The following TDRD5 variants were observed in gnomAD, a reference collection of about 807,000 sequenced individuals.
TDRD5 encodes tudor domain containing 5.
In TDRD5, 41 loss-of-function variants were observed where a neutral mutation model predicts 120.6. The observed-to-expected ratio is 0.34, with a 90% CI of 0.26 to 0.44. The LOEUF (loss-of-function observed/expected upper bound fraction) is 0.44. TDRD5 is among the 20% of genes least tolerant of loss of function. The pLI is 1.00. For missense variants in TDRD5, 1,006 were observed against 1,221.2 expected (o/e 0.82, Z 2.63); for synonymous variants, 430 against 433.7 (o/e 0.99, Z 0.11).
chr1:179,675,273 A>ATTATT lies in TDRD5; in HGVS notation c.2860+5871_2860+5872insATTTT, dbSNP rs1444171268. On this transcript the variant is annotated intron_variant, in intron 17 of 17. Transcript: ENST00000444136. Reference sequence around the variant, plus strand: ...AAGAATTTTTATTATTATTATTATTATTTTTTTTTTTTTTTTTTTTTTTTG... The same window carrying ATTATT: ...AAGAATTTTTATTATTATTATTATTATTATTTTTTTTTTTTTTTTTTTTTTTTTTG... Among the ~76,000 whole-genome samples the ATTATT allele has an allele frequency of 4.6e-3, 304 of 66,516 alleles. 1 individual carries two copies. The highest frequency in any genetic ancestry group is 7.7e-3 in the East Asian group (19 of 2,470). 43.6% of individuals were successfully genotyped at this position (66,516 alleles called of 152,430 possible).
intron 4 of TDRD5, among the ~76,000 whole-genome samples, chr1:179,599,714 A>G (rs541013355): frequency 1.3e-5 from 2 of 152,220 alleles, no homozygotes; most frequent in East Asian, 3.9e-4. Context: ...TACACATATC[A>G]GTCTCACTAA....
At chr1:179,689,449 G>A (rs963378399) in intron 17 of TDRD5, among the ~76,000 whole-genome samples, 9 of 151,694 alleles carry the variant, frequency 5.9e-5, no homozygotes, top group African/African-American at 2.2e-4. Flanking sequence ...TGTATGAGGT[G>A]TCAATTGGCC....
intron 11 of TDRD5, among the ~76,000 whole-genome samples, chr1:179,649,783 G>A (rs974539212): frequency 6.6e-6 from 1 of 152,092 alleles, no homozygotes; most frequent in South Asian, 2.1e-4. Flanking sequence ...CCTATGTACT[G>A]CTCGTTGTCT....
At chr1:179,653,234 A>G (rs1678815788) in intron 13 of TDRD5, among the ~76,000 whole-genome samples, 1 of 152,194 alleles carries the variant, frequency 6.6e-6, no homozygotes, top group Non-Finnish European at 1.5e-5. Context: ...TTATTGATAC[A>G]ATGTCTTTTT....
intron 5 of TDRD5, among the ~76,000 whole-genome samples, chr1:179,620,656 A>G (rs962867492): frequency 7.9e-5 from 12 of 152,124 alleles, no homozygotes; most frequent in Non-Finnish European, 1.2e-4. Flanking sequence ...GTATTTTCCA[A>G]AGTTTTTTCT....
chr1:179,664,559 G>C (rs927176291), intron 16 of TDRD5, among the ~76,000 whole-genome samples: 10 of 152,186 alleles, frequency 6.6e-5, no homozygotes, highest in African/African-American at 2.4e-4. Context: ...ACAGTATGTG[G>C]TTTTCTGTGA....
At chr1:179,624,011 A>G (rs1315893569) in intron 6 of TDRD5, among the ~76,000 whole-genome samples, 1 of 152,084 alleles carries the variant, frequency 6.6e-6, no homozygotes. Flanking sequence ...AACCAATTAG[A>G]ACATGTTTCT....
intron 17 of TDRD5, among the ~76,000 whole-genome samples, chr1:179,679,631 T>C (rs1221073922): frequency 6.6e-6 from 1 of 152,140 alleles, no homozygotes; most frequent in Non-Finnish European, 1.5e-5. Context: ...TCATCTAAAC[T>C]GTAAAATTTA....
chr1:179,616,782 A>G (rs1676586022), intron 4 of TDRD5, among the ~76,000 whole-genome samples: 1 of 152,148 alleles, frequency 6.6e-6, no homozygotes, highest in Admixed American at 6.5e-5. Flanking sequence ...AGATCCTTAT[A>G]AAAGGAAGCC....
At chr1:179,684,188 C>T (rs1680579064) in intron 17 of TDRD5, among the ~76,000 whole-genome samples, 1 of 152,096 alleles carries the variant, frequency 6.6e-6, no homozygotes, top group South Asian at 2.1e-4. Flanking sequence ...CTAATGCTAT[C>T]CCTCCCTGCT....
intron 12 of TDRD5, among the ~76,000 whole-genome samples, chr1:179,651,730 A>G (rs1202418034): frequency 1.3e-5 from 2 of 152,080 alleles, no homozygotes; most frequent in East Asian, 3.9e-4. Context: ...TGGCTAACAC[A>G]GTGAAACCTC....
chr1:179,643,840 A>G (rs1678189570), intron 11 of TDRD5, among the ~76,000 whole-genome samples: 1 of 152,156 alleles, frequency 6.6e-6, no homozygotes, highest in Non-Finnish European at 1.5e-5. Context: ...CAGAGTCAAG[A>G]ATATCAACAA....
chr1:179,595,157 T>C (rs377595723), intron 3 of TDRD5, among the ~76,000 whole-genome samples: 3 of 152,148 alleles, frequency 2.0e-5, no homozygotes, highest in African/African-American at 7.2e-5. Flanking sequence ...AATACACCTC[T>C]CCAGTGGTAT....
At chr1:179,622,148 G>A (rs922970723) in intron 6 of TDRD5, among the ~76,000 whole-genome samples, 3 of 152,164 alleles carry the variant, frequency 2.0e-5, no homozygotes, top group Non-Finnish European at 4.4e-5. Flanking sequence ...TGGCACATAA[G>A]CTCTGCTCAG....
At chr1:179,633,153 T>C (rs1344489822) in intron 7 of TDRD5, among the ~76,000 whole-genome samples, 1 of 152,162 alleles carries the variant, frequency 6.6e-6, no homozygotes, top group African/African-American at 2.4e-5. Flanking sequence ...TTTTTCATAT[T>C]AGTACAAACA....
At chr1:179,603,958 ATTC>A (rs1675842790) in intron 4 of TDRD5, among the ~76,000 whole-genome samples, 1 of 152,026 alleles carries the variant, frequency 6.6e-6, no homozygotes, top group Admixed American at 6.6e-5. Context: ...ATTGGTACCA[ATTC>A]TTCTTTGAAT....
At chr1:179,677,450 A>AT (rs1345319825) in intron 17 of TDRD5, among the ~76,000 whole-genome samples, 1 of 151,984 alleles carries the variant, frequency 6.6e-6, no homozygotes, top group Non-Finnish European at 1.5e-5. Context: ...TACCAGAATG[A>AT]TTTTTCTGGT....
intron 13 of TDRD5, among the ~76,000 whole-genome samples, chr1:179,653,896 T>C (rs556790792): frequency 3.2e-4 from 49 of 152,352 alleles, no homozygotes; most frequent in Non-Finnish European, 6.0e-4. Flanking sequence ...ATGGTTGTAC[T>C]TGGAAGACTG....
intron 4 of TDRD5, among the ~76,000 whole-genome samples, chr1:179,598,065 CCTA>C (rs1172490150): frequency 1.3e-5 from 2 of 152,086 alleles, no homozygotes; most frequent in Non-Finnish European, 2.9e-5. Context: ...TGGTATATAG[CCTA>C]CTACACACCT....
Sources: gnomAD v4.1 joint callset for allele counts (sites outside exome capture counted in the v4.1 genomes callset) on GRCh38, gnomAD v4.1.1 for gene constraint, MANE v1.5 for transcripts, NCBI Gene and HGNC (gene_info 2026-07-23, HGNC 2026-07-21) for gene names.